C9orf85: variants seen among roughly 807,000 people sequenced by gnomAD.
C9orf85 encodes the protein uncharacterized protein C9orf85.
In C9orf85, 16 loss-of-function variants were observed where a neutral mutation model predicts 14.9. The observed-to-expected ratio is 1.08, with a 90% CI of 0.73 to 1.63. C9orf85 has a LOEUF of 1.63. C9orf85 is among the 40% of genes most tolerant of loss of function. The pLI, the probability that C9orf85 is intolerant of heterozygous loss-of-function variation, is 0.00. For missense variants in C9orf85, 172 were observed against 186.1 expected (o/e 0.92, Z 0.44); for synonymous variants, 45 against 56.8 (o/e 0.79, Z 0.93).
intron 1 of C9orf85, among the ~76,000 whole-genome samples, chr9:71,927,884 T>G (rs1354568527): frequency 1.3e-5 from 2 of 152,140 alleles, no homozygotes; most frequent in African/African-American, 4.8e-5. Flanking sequence ...CTGTCCTTTA[T>G]CAAGTTACTT....
At chr9:71,936,067 T>G (rs553007708) in intron 1 of C9orf85, among the ~76,000 whole-genome samples, 88 of 152,080 alleles carry the variant, frequency 5.8e-4, no homozygotes, top group African/African-American at 2.1e-3. Flanking sequence ...TGACCTAAGT[T>G]TTTTTATCTA....
intron 2 of C9orf85, among the ~76,000 whole-genome samples, chr9:71,970,829 CTT>C (rs72263039): frequency 7.0e-6 from 1 of 142,656 alleles, no homozygotes. Flanking sequence ...AATATTAAGT[CTT>C]TTTTTTTTTT....
intron 2 of C9orf85, among the ~76,000 whole-genome samples, chr9:71,964,026 C>A (rs528606289): frequency 9.1e-4 from 139 of 152,274 alleles, no homozygotes; most frequent in African/African-American, 3.2e-3. Context: ...ACGTGGAGAA[C>A]CTTTATGTCT....
At chr9:71,926,401 T>C (rs1297881218) in intron 1 of C9orf85, among the ~76,000 whole-genome samples, 1 of 152,152 alleles carries the variant, frequency 6.6e-6, no homozygotes, top group African/African-American at 2.4e-5. Context: ...GGTTACCATA[T>C]TGGATAATGT....
At chr9:71,971,309 T>C (rs1822855886) in intron 2 of C9orf85, among the ~76,000 whole-genome samples, 196 bp from the exon 3 acceptor site, 2 of 152,204 alleles carry the variant, frequency 1.3e-5, no homozygotes, top group Admixed American at 6.5e-5. Context: ...TATCCAGCAG[T>C]TTTATTCTGC....
At chr9:71,970,822 A>T (rs961921694) in intron 2 of C9orf85, among the ~76,000 whole-genome samples, 1 of 115,816 alleles carries the variant, frequency 8.6e-6, no homozygotes, top group Non-Finnish European at 1.7e-5. Flanking sequence ...TATTCTCAAT[A>T]TTAAGTCTTT....
chr9:71,933,866 T>C (rs1266955558), intron 1 of C9orf85, among the ~76,000 whole-genome samples: 1 of 152,166 alleles, frequency 6.6e-6, no homozygotes, highest in East Asian at 1.9e-4. Flanking sequence ...GAGCTAACTT[T>C]TTTTTTTCTG....
intron 2 of C9orf85, among the ~76,000 whole-genome samples, chr9:71,968,143 G>C (rs928801576): frequency 6.6e-6 from 1 of 151,618 alleles, no homozygotes; most frequent in African/African-American, 2.4e-5. Context: ...ATGAGCATGC[G>C]AGAGAGTGAG....
At chr9:71,928,597 G>A (rs1827989400) in intron 1 of C9orf85, among the ~76,000 whole-genome samples, 1 of 152,148 alleles carries the variant, frequency 6.6e-6, no homozygotes, top group African/African-American at 2.4e-5. Context: ...CTTGGAGTCA[G>A]GGCCACACCA....
At chr9:71,920,824 C>T (rs1589245460) in intron 1 of C9orf85, among the ~76,000 whole-genome samples, 2 of 152,208 alleles carry the variant, frequency 1.3e-5, no homozygotes, top group East Asian at 1.9e-4. Flanking sequence ...GACCAAATAG[C>T]ACTTAAATAT....
chr9:71,981,210 G>C (rs1823089970), intron 3 of C9orf85, among the ~76,000 whole-genome samples: 1 of 152,130 alleles, frequency 6.6e-6, no homozygotes, highest in South Asian at 2.1e-4. Context: ...ATAGATTAGA[G>C]ACAAATCAGG....
rs1422098588 is a variant in C9orf85 at position 71,947,119 on chromosome 9, T to TA, written c.209+9dup. On this transcript the variant is annotated splice_region_variant and intron_variant, in intron 2 of 3. Coordinates refer to ENST00000334731, the MANE Select transcript of C9orf85 (RefSeq NM_182505.5). ...TATCAAAACCTAAAAAGTGGTGAGT[T>TA]AAGATTCTTCATTACCTTACTTGGT... The TA allele has an allele frequency of 6.3e-7, 1 of 1,585,784 alleles. No individual in the cohort carries two copies. The highest frequency in any genetic ancestry group is 8.7e-7 in the Non-Finnish European group (1 of 1,155,958).
chr9:71,978,826 G>A (rs1823048863), intron 3 of C9orf85, among the ~76,000 whole-genome samples: 1 of 152,212 alleles, frequency 6.6e-6, no homozygotes, highest in South Asian at 2.1e-4. Context: ...ACAAGGTCAA[G>A]AGATCTAGAC....
intron 1 of C9orf85, among the ~76,000 whole-genome samples, chr9:71,928,405 A>G (rs980780412): frequency 6.6e-6 from 1 of 152,180 alleles, no homozygotes; most frequent in African/African-American, 2.4e-5. Flanking sequence ...ACTGTGAGGA[A>G]GGGACTACAC....
At chr9:71,941,596 G>C (rs1174616573) in intron 1 of C9orf85, among the ~76,000 whole-genome samples, 1 of 152,150 alleles carries the variant, frequency 6.6e-6, no homozygotes, top group African/African-American at 2.4e-5. Context: ...AAAATGACTT[G>C]CTTGTTACTT....
intron 1 of C9orf85, among the ~76,000 whole-genome samples, chr9:71,919,719 G>A (rs868656747): frequency 7.9e-5 from 12 of 152,076 alleles, no homozygotes; most frequent in East Asian, 5.8e-4. Context: ...ATTGTAATCC[G>A]TACTATTGTT....
At position 71,947,027 on chromosome 9, in the gene C9orf85, G is replaced by A. The variant is rs1173330241; in HGVS notation, c.124G>A (p.Asp42Asn). 1.7e-5 allele frequency: 27 copies of A among 1,612,516 alleles called. No individual in the cohort carries two copies. Among genetic ancestry groups the A allele is most frequent in the Non-Finnish European group, 2.3e-5 (27 of 1,179,208 alleles). Residue 42 changes from aspartate to asparagine, a missense_variant, in exon 2 of 4, where the codon GAT (aspartate) becomes AAT (asparagine). Asp to Asn is a conservative substitution (Grantham distance 23). Transcript: ENST00000334731. ...QTKKINAKLH[D>N]GVCQRCKEVL... ...TAAGAAAATTAATGCAAAACTTCATGATGGAGTATGTCAGCGCTGTAAAGA... is the reference window on the plus strand; with the variant it reads ...TAAGAAAATTAATGCAAAACTTCATAATGGAGTATGTCAGCGCTGTAAAGA...
intron 1 of C9orf85, among the ~76,000 whole-genome samples, chr9:71,935,160 G>A (rs902924345): frequency 3.3e-5 from 5 of 152,122 alleles, no homozygotes; most frequent in South Asian, 2.1e-4. Flanking sequence ...ATTACTCTTC[G>A]TGGGAATATG....
At chr9:71,967,794 A>G (rs1564100004) in intron 2 of C9orf85, among the ~76,000 whole-genome samples, 1 of 146,926 alleles carries the variant, frequency 6.8e-6, no homozygotes, top group Non-Finnish European at 1.5e-5. Context: ...TGTTGAGAGC[A>G]GATATTCTTG....
Sources: gnomAD v4.1 joint callset for allele counts (sites outside exome capture counted in the v4.1 genomes callset) on GRCh38, gnomAD v4.1.1 for gene constraint, MANE v1.5 for transcripts, NCBI Gene and HGNC (gene_info 2026-07-23, HGNC 2026-07-21) for gene names.